VPS37A: variants seen among roughly 807,000 people sequenced by gnomAD.
VPS37A encodes vacuolar protein sorting-associated protein 37A.
VPS37A carries 30 observed loss-of-function variants against 49.8 expected under a neutral mutation model. That is an observed-to-expected ratio of 0.60 (90% CI 0.45 to 0.82). VPS37A has a LOEUF of 0.82. VPS37A is among the 40% of genes least tolerant of loss of function. The pLI is 0.00. For synonymous variants in VPS37A, 195 were observed against 160.6 expected (o/e 1.21, Z -1.62); for missense variants, 593 against 464.4 (o/e 1.28, Z -2.55).
chr8:17,330,289 G>A, the VPS37A span, among the ~76,000 whole-genome samples: 2 of 152,186 alleles, frequency 1.3e-5, no homozygotes, highest in African/African-American at 4.8e-5. Flanking sequence ...TTCCCATCAA[G>A]ACAGCCCACT....
At chr8:17,310,484 T>C in the VPS37A span, among the ~76,000 whole-genome samples, 1 of 152,134 alleles carries the variant, frequency 6.6e-6, no homozygotes, top group African/African-American at 2.4e-5. Flanking sequence ...AAGTTGATGA[T>C]GGAAACGCAT....
downstream of VPS37A, chr8:17,304,625 C>T: frequency 1.6e-6 from 2 of 1,214,732 alleles, no homozygotes; most frequent in Non-Finnish European, 2.3e-6. Flanking sequence ...ACCTGAAAAC[C>T]ACGTGTCTGT....
chr8:17,326,380 T>C, the VPS37A span: 7 of 152,280 alleles, frequency 4.6e-5, no homozygotes, highest in African/African-American at 9.6e-5. Flanking sequence ...GTCCAATACA[T>C]AGTAAGCCTT....
intron 6 of VPS37A, chr8:17,279,820 C>T (rs1182362173): frequency 3.1e-6 from 2 of 647,754 alleles, no homozygotes; most frequent in Non-Finnish European, 5.5e-6. Context: ...TTTACAGATT[C>T]TGTCAAGAAT....
downstream of VPS37A, chr8:17,305,648 T>A (rs1039834807): frequency 5.1e-5 from 44 of 862,018 alleles, 1 homozygote; most frequent in South Asian, 1.7e-5. Context: ...TCAGTATAGG[T>A]ATGTGACTAA....
chr8:17,265,606 C>G (rs1012669915), intron 1 of VPS37A, among the ~76,000 whole-genome samples: 10 of 152,180 alleles, frequency 6.6e-5, no homozygotes, highest in African/African-American at 2.4e-4. Flanking sequence ...ATTGCTTCTG[C>G]TAATGGTAAA....
At position 17,274,761 on chromosome 8, in the gene VPS37A, C is replaced by T. The variant is rs145608425; in HGVS notation, c.445C>T (p.Pro149Ser). ...YLYSNPSGMS[P>S]YASQGFPFLP... The stretch of plus-strand genomic sequence containing the variant: ...ATACAGTAACCCAAGTGGGATGTCT[C>T]CTTATGCTTCTCAGGGTTTTCCATT... The change falls in exon 5 of 12, where the codon CCT becomes TCT. Residue 149 changes from proline to serine, a missense_variant. By Grantham distance (74) the Pro-to-Ser change is moderately conservative. Coordinates refer to ENST00000324849, the MANE Select transcript of VPS37A (RefSeq NM_152415.3). 2.5e-6 allele frequency: 4 copies of T among 1,614,006 alleles called. No homozygotes were observed. The East Asian group carries it at 8.9e-5, about 36-fold the overall frequency.
the VPS37A span, among the ~76,000 whole-genome samples, chr8:17,312,819 GAAC>G: frequency 6.6e-6 from 1 of 152,016 alleles, no homozygotes; most frequent in Non-Finnish European, 1.5e-5. Flanking sequence ...AAAAAAAACT[GAAC>G]AACACAAAAG....
At chr8:17,266,016 A>G in intron 2 of VPS37A, 35 bp downstream of exon 2, 1 of 1,547,534 alleles carries the variant, frequency 6.5e-7, no homozygotes, top group Non-Finnish European at 8.8e-7. Flanking sequence ...TTCATGTAAA[A>G]GGACTTAACA....
downstream of VPS37A, chr8:17,302,335 C>T (rs1050752866): frequency 9.6e-6 from 15 of 1,559,212 alleles, no homozygotes; most frequent in Admixed American, 2.0e-5. Context: ...TGAAAATTCA[C>T]ATCCTCAAGT....
At chr8:17,280,538 T>C (rs916505275) in intron 9 of VPS37A, 95 bp downstream of exon 9, 80 of 1,159,734 alleles carry the variant, frequency 6.9e-5, no homozygotes, top group Non-Finnish European at 5.7e-5. Flanking sequence ...TCAGAAACCA[T>C]TTATGAGGTA....
intron 1 of VPS37A, among the ~76,000 whole-genome samples, chr8:17,255,467 G>C (rs1175484367): frequency 1.3e-5 from 2 of 151,784 alleles, no homozygotes; most frequent in African/African-American, 4.9e-5. Flanking sequence ...GGCAACGAGA[G>C]TGAGACTTCG....
At chr8:17,321,606 T>C in the VPS37A span, among the ~76,000 whole-genome samples, 22 of 152,238 alleles carry the variant, frequency 1.4e-4, no homozygotes, top group Admixed American at 7.2e-4. Context: ...TTTTTAAATA[T>C]AAAACTGTTG....
chr8:17,270,501 A>AAG (rs1384248132), intron 4 of VPS37A, among the ~76,000 whole-genome samples: 1 of 152,198 alleles, frequency 6.6e-6, no homozygotes, highest in African/African-American at 2.4e-5. Context: ...TCAGGATCCC[A>AAG]AGAGAGAGAG....
intron 5 of VPS37A, among the ~76,000 whole-genome samples, chr8:17,275,504 G>A (rs1242768959): frequency 6.6e-6 from 1 of 152,126 alleles, no homozygotes; most frequent in Non-Finnish European, 1.5e-5. Context: ...AGATCTCTCT[G>A]GCTGCCATAT....
At chr8:17,285,812 A>C (rs895618483) in intron 10 of VPS37A, among the ~76,000 whole-genome samples, 1 of 152,208 alleles carries the variant, frequency 6.6e-6, no homozygotes, top group African/African-American at 2.4e-5. Context: ...CATTTTTTTA[A>C]ACATAGATAT....
the VPS37A span, chr8:17,331,179 A>G: frequency 6.2e-7 from 1 of 1,612,432 alleles, no homozygotes; most frequent in Non-Finnish European, 8.5e-7. Context: ...ACTGTTCCTC[A>G]TGACATGGAT....
intron 11 of VPS37A, among the ~76,000 whole-genome samples, chr8:17,288,377 C>T (rs1307601840): frequency 6.6e-6 from 1 of 152,118 alleles, no homozygotes; most frequent in Admixed American, 6.6e-5. Context: ...TCCTTGCCCC[C>T]AACTCCCCAA....
the VPS37A span, among the ~76,000 whole-genome samples, chr8:17,311,340 C>T: frequency 6.6e-6 from 1 of 152,166 alleles, no homozygotes; most frequent in Non-Finnish European, 1.5e-5. Context: ...AAGCCTTCCC[C>T]TTTAATCTTG....
Sources: gnomAD v4.1 joint callset for allele counts (sites outside exome capture counted in the v4.1 genomes callset) on GRCh38, gnomAD v4.1.1 for gene constraint, MANE v1.5 for transcripts, NCBI Gene and HGNC (gene_info 2026-07-23, HGNC 2026-07-21) for gene names.